The following RP1 variants were observed in gnomAD, a reference collection of about 807,000 sequenced individuals.
The protein encoded by RP1 is oxygen-regulated protein 1.
RP1 carries 16 observed loss-of-function variants against 14.8 expected under a neutral mutation model. The observed-to-expected ratio is 1.08, with a 90% confidence interval of 0.73 to 1.65. The LOEUF (loss-of-function observed/expected upper bound fraction) is 1.65, where lower values mean the gene tolerates loss of function less well. Among genes scored for constraint, RP1 ranks in the 40% most tolerant of loss-of-function variants. The pLI is 0.00. For missense variants in RP1, 2,631 were observed against 2,535.0 expected, an observed-to-expected ratio of 1.04 and a Z score of -0.81; for synonymous variants, 876 against 883.6, an observed-to-expected ratio of 0.99 and a Z score of 0.15.
Position 54,682,245 on chromosome 8 carries a change from A to T in RP1, c.1717+2312A>T, listed in dbSNP as rs780022067. On this transcript the variant is annotated intron_variant, in intron 12 of 22. Coordinates refer to the RP1 transcript ENST00000636932. ...TTTTTCCCCTTTTTTTTAAATTAAAATTTTTTTTTTTTTACTTTAAGTTCT... is the reference window on the plus strand; with the variant it reads ...TTTTTCCCCTTTTTTTTAAATTAAATTTTTTTTTTTTTTACTTTAAGTTCT... Among the ~76,000 whole-genome samples, 255 of 145,922 alleles carry T rather than the reference A, an allele frequency of 1.7e-3. 1 individual carries two copies. The highest frequency in any genetic ancestry group is 2.5e-3 in the Non-Finnish European group (162 of 65,838).
In RP1 at chr8:54,626,229, A is replaced by G; in HGVS notation, c.2347A>G (p.Asn783Asp). 6.2e-7 allele frequency: 1 copy of G among 1,611,502 alleles called. No individual in the cohort carries two copies. Among genetic ancestry groups the G allele is most frequent in the Admixed American group, 1.7e-5 (1 of 59,630 alleles). Residue 783 changes from asparagine (N) to aspartate (D), a missense_variant, in exon 4 of 4, where the codon AAT (asparagine) becomes GAT (aspartate). Coordinates refer to ENST00000220676, the MANE Select transcript of RP1 (RefSeq NM_006269.2). ...LLTKRKSRSL[N>D]KISLGAPKKR... is the part of the protein sequence containing the mutation. Reference sequence around the variant, plus strand: ...AACCAAAAGAAAATCTAGATCACTAAATAAAATAAGCTTAGGAGCACCTAA... The same window carrying G: ...AACCAAAAGAAAATCTAGATCACTAGATAAAATAAGCTTAGGAGCACCTAA...
chr8:54,620,760 A>G (rs1208227669), intron 1 of RP1, among the ~76,000 whole-genome samples, 195 bp from the exon 2 acceptor site: 1 of 152,168 alleles, frequency 6.6e-6, no homozygotes, highest in Non-Finnish European at 1.5e-5. Context: ...TCCTTATTTA[A>G]CAGTTTATCT....
At chr8:54,605,389 C>T (rs1805406518) in intron 1 of RP1, among the ~76,000 whole-genome samples, 1 of 152,192 alleles carries the variant, frequency 6.6e-6, no homozygotes, top group African/African-American at 2.4e-5. Context: ...TTTGATTGCA[C>T]TGTGGTCTGA....
intron 14 of RP1, chr8:54,701,699 A>T (rs773517093): frequency 9.9e-6 from 15 of 1,515,714 alleles, no homozygotes; most frequent in Non-Finnish European, 1.2e-5. Context: ...TATATTGCTA[A>T]ATCCCAACTT....
Position 54,629,064 on chromosome 8 carries a change from G to A in RP1, c.5182G>A (p.Asp1728Asn). 2 of 1,614,112 alleles carry A rather than the reference G, an allele frequency of 1.2e-6. No homozygotes were observed. The highest frequency in any genetic ancestry group is 1.7e-6 in the Non-Finnish European group (2 of 1,179,970). The change falls in exon 4 of 4, where the codon GAT becomes AAT. Residue 1728 changes from aspartate to asparagine, a missense_variant. By Grantham distance (23) the Asp-to-Asn change is conservative (BLOSUM62 1). Coordinates refer to ENST00000220676, the MANE Select transcript of RP1 (RefSeq NM_006269.2). ...IVEPGTKQNDDSRILTDIEEG... is the reference protein window; with the variant it reads ...IVEPGTKQNDNSRILTDIEEG... ...AGAACCTGGTACAAAACAAAATGAT[G>A]ATAGCAGAATCCTCACAGACATAGA... is the stretch of plus-strand genomic sequence containing the variant.
At chr8:54,694,655 C>T (rs192056503) in intron 12 of RP1, among the ~76,000 whole-genome samples, 29 of 152,160 alleles carry the variant, frequency 1.9e-4, no homozygotes, top group African/African-American at 5.3e-4. Context: ...TCTGTGGGAT[C>T]GGTGGTGATA....
intron 23 of RP1, among the ~76,000 whole-genome samples, chr8:54,775,089 C>A (rs1253394785): frequency 7.9e-5 from 12 of 151,958 alleles, no homozygotes; most frequent in Non-Finnish European, 1.6e-4. Flanking sequence ...AAAAAAATGT[C>A]TCCAGACATC....
intron 1 of RP1, among the ~76,000 whole-genome samples, chr8:54,609,376 C>T (rs1427216875): frequency 1.3e-5 from 2 of 152,018 alleles, no homozygotes; most frequent in Non-Finnish European, 2.9e-5. Context: ...ATCACTTGAG[C>T]CTGGGAGGTA....
At chr8:54,656,173 C>A (rs766347034) in exon 6 of RP1, 14 of 1,535,396 alleles carry the variant, frequency 9.1e-6, no homozygotes, top group Non-Finnish European at 1.1e-5. Context: ...GGAAATCTGT[C>A]GAGAATTTCC....
At chr8:54,691,380 C>T (rs1019551734) in intron 12 of RP1, among the ~76,000 whole-genome samples, 5 of 151,962 alleles carry the variant, frequency 3.3e-5, no homozygotes, top group African/African-American at 9.7e-5. Context: ...CATTGAGTCA[C>T]TAACTGAAGA....
intron 23 of RP1, chr8:54,780,809 A>G (rs1052846696): frequency 4.5e-6 from 2 of 441,600 alleles, no homozygotes; most frequent in Non-Finnish European, 6.0e-6. Context: ...TCTGGAACCA[A>G]TCCTCCACAG....
At chr8:54,673,259 G>C (rs1222994223) in intron 7 of RP1, among the ~76,000 whole-genome samples, 1 of 151,928 alleles carries the variant, frequency 6.6e-6, no homozygotes, top group African/African-American at 2.4e-5. Flanking sequence ...CTATACAAAG[G>C]TTATTTTTTC....
At chr8:54,812,014 G>T (rs572342649) in intron 24 of RP1, among the ~76,000 whole-genome samples, 111 of 152,298 alleles carry the variant, frequency 7.3e-4, no homozygotes, top group African/African-American at 2.6e-3. Context: ...AGAACAGTTT[G>T]TATCTTCTTC....
At chr8:54,560,461 T>C (rs1804261076) in intron 1 of RP1, 2 of 151,974 alleles carry the variant, frequency 1.3e-5, no homozygotes, top group South Asian at 4.2e-4. Flanking sequence ...AGGCCCTAAG[T>C]CTTAGTGTAG....
chr8:54,724,421 G>A (rs2129351970), intron 16 of RP1, among the ~76,000 whole-genome samples: 1 of 152,082 alleles, frequency 6.6e-6, no homozygotes, highest in African/African-American at 2.4e-5. Context: ...CTTAAATTTT[G>A]GATATAATGA....
At chr8:54,828,797 G>C (rs1000452793) in intron 24 of RP1, among the ~76,000 whole-genome samples, 1 of 151,594 alleles carries the variant, frequency 6.6e-6, no homozygotes, top group Non-Finnish European at 1.5e-5. Flanking sequence ...ACATTATGAC[G>C]GCTACGATGT....
chr8:54,582,509 C>G (rs1010606558), intron 1 of RP1, among the ~76,000 whole-genome samples: 2 of 150,746 alleles, frequency 1.3e-5, no homozygotes, highest in Admixed American at 1.3e-4. Flanking sequence ...TCCATATGAA[C>G]TTAAAAGTAG....
At chr8:54,570,963 A>C (rs915315921) in intron 1 of RP1, among the ~76,000 whole-genome samples, 4 of 152,206 alleles carry the variant, frequency 2.6e-5, no homozygotes, top group African/African-American at 9.6e-5. Flanking sequence ...CCTCCTCAGC[A>C]CTGGTGGCCT....
At position 54,759,041 on chromosome 8, in the gene RP1, C is replaced by T. The variant is rs917742796; in HGVS notation, c.3213C>T (p.Pro1071=). The change falls in exon 22 of 23, where the codon CCC becomes CCT. Residue 1071 remains proline (P), a synonymous_variant. Coordinates refer to the RP1 transcript ENST00000636932. Reference sequence around the variant, plus strand: ...GTGAACAAGTCATAGTCAGAGAGCCCGGCACCACATCCGAGTCCATCTTTA... The same window carrying T: ...GTGAACAAGTCATAGTCAGAGAGCCTGGCACCACATCCGAGTCCATCTTTA... 17 of 1,535,246 alleles carry T rather than the reference C, an allele frequency of 1.1e-5. No homozygotes were observed. The Admixed American group carries it at 1.4e-4, about 12-fold the overall frequency.
Sources: gnomAD v4.1 joint callset for allele counts (sites outside exome capture counted in the v4.1 genomes callset) on GRCh38, gnomAD v4.1.1 for gene constraint, MANE v1.5 for transcripts, NCBI Gene and HGNC (gene_info 2026-07-23, HGNC 2026-07-21) for gene names.